Variants in SLC9A9 observed in about 807,000 individuals in gnomAD.
SLC9A9 encodes sodium/hydrogen exchanger 9.
In SLC9A9, 62 loss-of-function variants were observed where a neutral mutation model predicts 77.8. That is an observed-to-expected ratio of 0.80 (90% CI 0.65 to 0.98). The LOEUF is 0.98. Among genes scored for constraint, SLC9A9 ranks in the 50% least tolerant of loss-of-function variants. The probability of loss-of-function intolerance (pLI) is 0.00; values close to 1 mark genes in which losing one functional copy is unlikely to be tolerated. For missense variants in SLC9A9, 775 were observed against 774.9 expected, an observed-to-expected ratio of 1.00 and a Z score of 0.00; for synonymous variants, 320 against 283.5, an observed-to-expected ratio of 1.13 and a Z score of -1.29.
At chr3:143,397,289 A>C (rs1301296116) in intron 12 of SLC9A9, among the ~76,000 whole-genome samples, 1 of 152,246 alleles carries the variant, frequency 6.6e-6, no homozygotes, top group Non-Finnish European at 1.5e-5. Flanking sequence ...TATCAGAGTC[A>C]AATGCACATC....
chr3:143,339,420 C>A (rs549969917), intron 14 of SLC9A9, among the ~76,000 whole-genome samples: 1 of 152,222 alleles, frequency 6.6e-6, no homozygotes, highest in African/African-American at 2.4e-5. Flanking sequence ...GCTTACCTAC[C>A]CAGCTCAAGC....
At chr3:143,765,231 G>T (rs1041217354) in intron 4 of SLC9A9, among the ~76,000 whole-genome samples, 3 of 147,072 alleles carry the variant, frequency 2.0e-5, no homozygotes, top group African/African-American at 7.6e-5. Context: ...TCTTGACAGG[G>T]TTTCCCTACG....
At chr3:143,536,692 T>A (rs761589689) in intron 9 of SLC9A9, among the ~76,000 whole-genome samples, 8 of 152,214 alleles carry the variant, frequency 5.3e-5, no homozygotes, top group Non-Finnish European at 8.8e-5. Flanking sequence ...CTTATTTGGG[T>A]AATGTCTTAG....
chr3:143,711,805 C>A (rs1288603531), intron 4 of SLC9A9, among the ~76,000 whole-genome samples: 1 of 152,110 alleles, frequency 6.6e-6, no homozygotes, highest in African/African-American at 2.4e-5. Flanking sequence ...ACTCCAGCAA[C>A]AGAAGTATCC....
At chr3:143,456,578 T>C (rs1216560041) in intron 12 of SLC9A9, among the ~76,000 whole-genome samples, 1 of 151,888 alleles carries the variant, frequency 6.6e-6, no homozygotes, top group Admixed American at 6.6e-5. Context: ...CTTTTTTTTT[T>C]TTTTGAGATA....
At chr3:143,448,724 T>C (rs2034892109) in intron 12 of SLC9A9, among the ~76,000 whole-genome samples, 1 of 149,540 alleles carries the variant, frequency 6.7e-6, no homozygotes, top group Non-Finnish European at 1.5e-5. Flanking sequence ...GATATAATAA[T>C]TTTACATGAA....
intron 4 of SLC9A9, among the ~76,000 whole-genome samples, chr3:143,754,002 G>C (rs1033789922): frequency 6.7e-5 from 8 of 118,634 alleles, no homozygotes; most frequent in Non-Finnish European, 1.1e-4. Context: ...GACATCTCAG[G>C]ATTTCTCTTT....
intron 4 of SLC9A9, among the ~76,000 whole-genome samples, chr3:143,777,412 C>T (rs1409437491): frequency 5.3e-5 from 8 of 152,096 alleles, no homozygotes; most frequent in Admixed American, 5.2e-4. Flanking sequence ...AAAAAAATGC[C>T]ATTCCTTAAA....
chr3:143,497,510 G>A (rs868835269), intron 9 of SLC9A9, among the ~76,000 whole-genome samples: 1 of 152,192 alleles, frequency 6.6e-6, no homozygotes, highest in African/African-American at 2.4e-5. Flanking sequence ...GGAATGCTGA[G>A]ACAAAGGCCC....
chr3:143,291,466 A>G (rs569081670), intron 14 of SLC9A9, among the ~76,000 whole-genome samples: 83 of 151,994 alleles, frequency 5.5e-4, no homozygotes, highest in African/African-American at 2.0e-3. Flanking sequence ...CTCTCACTCT[A>G]CCCACTTGTG....
intron 12 of SLC9A9, among the ~76,000 whole-genome samples, chr3:143,420,510 A>C (rs1039275623): frequency 6.6e-6 from 1 of 152,216 alleles, no homozygotes; most frequent in African/African-American, 2.4e-5. Flanking sequence ...CACAATTGCT[A>C]TCTTTTGAAG....
intron 6 of SLC9A9, among the ~76,000 whole-genome samples, chr3:143,644,571 AG>A (rs1249180117): frequency 1.3e-5 from 2 of 152,214 alleles, no homozygotes; most frequent in African/African-American, 4.8e-5. Context: ...AGCAGCAGGC[AG>A]GGGTGTGGGC....
chr3:143,349,495 A>G (rs1469299516), intron 14 of SLC9A9, among the ~76,000 whole-genome samples: 2 of 152,218 alleles, frequency 1.3e-5, no homozygotes, highest in Non-Finnish European at 2.9e-5. Flanking sequence ...TCTAGGCCCT[A>G]TGCTATGTAT....
chr3:143,388,364 AGT>A (rs1213012618), intron 12 of SLC9A9, among the ~76,000 whole-genome samples: 1 of 152,242 alleles, frequency 6.6e-6, no homozygotes, highest in African/African-American at 2.4e-5. Context: ...TTGTTATTTA[AGT>A]GTGGCACAGT....
At chr3:143,823,028 T>G (rs1285166744) in intron 2 of SLC9A9, among the ~76,000 whole-genome samples, 2 of 152,054 alleles carry the variant, frequency 1.3e-5, no homozygotes, top group Non-Finnish European at 2.9e-5. Context: ...GGTTACAAAA[T>G]AGCCAGCAAT....
intron 12 of SLC9A9, among the ~76,000 whole-genome samples, chr3:143,439,173 C>T (rs567068653): frequency 2.0e-5 from 3 of 152,276 alleles, no homozygotes; most frequent in Admixed American, 2.0e-4. Flanking sequence ...TGGGCCTTTT[C>T]CCTGGGTTAA....
chr3:143,448,892 T>A (rs867896782), intron 12 of SLC9A9, among the ~76,000 whole-genome samples: 2 of 33,760 alleles, frequency 5.9e-5, no homozygotes, highest in Non-Finnish European at 7.7e-5. Flanking sequence ...ATATTATATA[T>A]TATAATATAT....
chr3:143,627,596 T>C, intron 6 of SLC9A9: 1 of 319,592 alleles, frequency 3.1e-6, no homozygotes, highest in Admixed American at 3.4e-5. Context: ...GACCTCTCAC[T>C]AACAAAATGA....
chr3:143,730,145 T>A (rs1934762925), intron 4 of SLC9A9, among the ~76,000 whole-genome samples: 1 of 152,168 alleles, frequency 6.6e-6, no homozygotes, highest in Admixed American at 6.5e-5. Flanking sequence ...ATTCTGACAA[T>A]CAGAACCAGA....
Sources: gnomAD v4.1 joint callset for allele counts (sites outside exome capture counted in the v4.1 genomes callset) on GRCh38, gnomAD v4.1.1 for gene constraint, MANE v1.5 for transcripts, NCBI Gene and HGNC (gene_info 2026-07-23, HGNC 2026-07-21) for gene names.